Variants in SOX5 observed in about 807,000 individuals in gnomAD.
SOX5 encodes transcription factor SOX-5.
SOX5 carries 9 observed loss-of-function variants against 92.0 expected under a neutral mutation model. The observed-to-expected ratio is 0.10, with a 90% CI of 0.06 to 0.17. The LOEUF (loss-of-function observed/expected upper bound fraction) is 0.17, where lower values mean the gene tolerates loss of function less well. Among genes scored for constraint, SOX5 ranks in the 10% least tolerant of loss-of-function variants. The pLI is 1.00. For missense variants in SOX5, 642 were observed against 944.5 expected (o/e 0.68, Z 4.20); for synonymous variants, 344 against 336.3 (o/e 1.02, Z -0.25).
chr12:24,053,751 T>A (rs1957824858), intron 4 of SOX5, among the ~76,000 whole-genome samples: 1 of 152,234 alleles, frequency 6.6e-6, no homozygotes, highest in Non-Finnish European at 1.5e-5. Flanking sequence ...TGAGTTTCCT[T>A]AAAGAATTTC....
chr12:24,134,811 A>T (rs1367159918), intron 4 of SOX5, among the ~76,000 whole-genome samples: 117 of 152,234 alleles, frequency 7.7e-4, no homozygotes, highest in Non-Finnish European at 1.0e-4. Context: ...TCACTTTTAA[A>T]CACTGAACAT....
chr12:24,531,706 C>G (rs1394791750), intron 1 of SOX5, among the ~76,000 whole-genome samples: 2 of 152,188 alleles, frequency 1.3e-5, no homozygotes, highest in Non-Finnish European at 2.9e-5. Context: ...TTGAGCTCCA[C>G]AATTTGTGTT....
At position 23,551,174 on chromosome 12, in the gene SOX5, T is replaced by C. The variant is rs116227002; in HGVS notation, c.1489-4750A>G. Among the ~76,000 whole-genome samples, 393 of 152,112 alleles carry C rather than the reference T, an allele frequency of 2.6e-3. 2 individuals carry two copies. The highest frequency in any genetic ancestry group is 8.9e-3 in the African/African-American group (369 of 41,552). On this transcript the variant is annotated intron_variant, in intron 11 of 14. Coordinates refer to ENST00000451604, the MANE Select transcript of SOX5 (RefSeq NM_006940.6). ...CAGTAACAGTTAAACCTCTTCTGGC[T>C]GCACTTCTTTATGGTCTTCTACTAT...
chr12:24,072,109 T>G (rs1313206897), intron 4 of SOX5, among the ~76,000 whole-genome samples: 1 of 152,206 alleles, frequency 6.6e-6, no homozygotes, highest in African/African-American at 2.4e-5. Flanking sequence ...TCAAACATAC[T>G]GCATGGGTTC....
chr12:23,941,125 G>C (rs901726913), intron 1 of SOX5, among the ~76,000 whole-genome samples: 1 of 151,598 alleles, frequency 6.6e-6, no homozygotes, highest in Admixed American at 6.6e-5. Context: ...TCATTCAAGA[G>C]ATCAACTGCC....
chr12:24,284,253 C>G (rs1304399043), intron 2 of SOX5, among the ~76,000 whole-genome samples: 3 of 152,198 alleles, frequency 2.0e-5, no homozygotes, highest in Non-Finnish European at 4.4e-5. Context: ...GCCAGCCACT[C>G]TGCTTTAGAC....
intron 3 of SOX5, among the ~76,000 whole-genome samples, chr12:23,823,603 T>A (rs919940530): frequency 1.3e-5 from 2 of 152,214 alleles, no homozygotes; most frequent in Non-Finnish European, 2.9e-5. Flanking sequence ...TTGGGGTTGC[T>A]CTTCTAGAGC....
chr12:24,268,699 G>A (rs1364256576), intron 3 of SOX5, among the ~76,000 whole-genome samples: 1 of 152,136 alleles, frequency 6.6e-6, no homozygotes, highest in Non-Finnish European at 1.5e-5. Context: ...GTAGCATCAG[G>A]AGCCTTTATT....
chr12:24,389,335 T>C (rs942785062), intron 1 of SOX5, among the ~76,000 whole-genome samples: 9 of 152,204 alleles, frequency 5.9e-5, no homozygotes, highest in African/African-American at 2.2e-4. Flanking sequence ...ATGTGCCACA[T>C]TTTCTTAATC....
chr12:23,653,323 T>C (rs1260904997), intron 7 of SOX5, among the ~76,000 whole-genome samples: 1 of 151,936 alleles, frequency 6.6e-6, no homozygotes. Context: ...AGTCTGTCTG[T>C]ATCCCTTCAG....
At chr12:24,352,521 C>A (rs1219647104) in intron 2 of SOX5, among the ~76,000 whole-genome samples, 1 of 152,154 alleles carries the variant, frequency 6.6e-6, no homozygotes, top group Non-Finnish European at 1.5e-5. Flanking sequence ...AGGTGAGAGC[C>A]ATGCTGTAAA....
chr12:24,255,507 G>A (rs1040522986), intron 3 of SOX5, among the ~76,000 whole-genome samples: 1 of 152,166 alleles, frequency 6.6e-6, no homozygotes, highest in African/African-American at 2.4e-5. Flanking sequence ...TAAGAGATAT[G>A]ACAGTTTGTG....
At chr12:24,339,331 T>C (rs1427368407) in intron 2 of SOX5, among the ~76,000 whole-genome samples, 1 of 152,012 alleles carries the variant, frequency 6.6e-6, no homozygotes, top group Non-Finnish European at 1.5e-5. Flanking sequence ...CTGATGGGCA[T>C]GAGTATGATG....
At chr12:23,870,124 G>C (rs565353041) in intron 2 of SOX5, among the ~76,000 whole-genome samples, 16 of 152,086 alleles carry the variant, frequency 1.1e-4, no homozygotes, top group African/African-American at 3.9e-4. Context: ...TACTCAGAAT[G>C]CCCCTAGGGT....
At chr12:24,510,274 A>G (rs1040273561) in intron 1 of SOX5, among the ~76,000 whole-genome samples, 2 of 146,322 alleles carry the variant, frequency 1.4e-5, no homozygotes, top group East Asian at 3.8e-4. Context: ...CTGTAGATAC[A>G]AAAAAAATGA....
At chr12:24,195,230 CTATTT>C (rs1223368144) in intron 4 of SOX5, among the ~76,000 whole-genome samples, 3 of 151,674 alleles carry the variant, frequency 2.0e-5, no homozygotes, top group Non-Finnish European at 2.9e-5. Context: ...ACTGAGTCAT[CTATTT>C]TAAACGAGTA....
chr12:24,416,463 G>A (rs1472251151), intron 1 of SOX5, among the ~76,000 whole-genome samples: 1 of 152,204 alleles, frequency 6.6e-6, no homozygotes, highest in African/African-American at 2.4e-5. Flanking sequence ...CATTGTTGAA[G>A]CCACAGGAGC....
In SOX5 at chr12:23,846,315, TA is replaced by T. The variant is rs1249781134; in HGVS notation, c.271-123del. ...ATAATTGTTTAAAATTCAGTAACTT[TA>T]AAAAATTGGTTATATGGCTTATTCA... On this transcript the variant is annotated intron_variant, in intron 2 of 14. Coordinates refer to ENST00000451604, the MANE Select transcript of SOX5 (RefSeq NM_006940.6). The T allele has an allele frequency of 2.1e-4, 166 of 798,334 alleles. 4 individuals carry two copies. In the South Asian group the frequency reaches 2.2e-3, roughly 11 times the overall value. The allele number at this position is 798,334 out of a possible 1,614,324, so 49.5% of individuals were successfully genotyped here.
chr12:23,813,929 T>C (rs917144925), intron 3 of SOX5, among the ~76,000 whole-genome samples: 2 of 152,150 alleles, frequency 1.3e-5, no homozygotes, highest in East Asian at 1.9e-4. Flanking sequence ...TGCGGCAAAA[T>C]AAGGGCGATA....
Sources: allele counts gnomAD v4.1 joint callset (sites outside exome capture counted in the v4.1 genomes callset), GRCh38; gene constraint gnomAD v4.1.1; transcripts MANE v1.5; gene names NCBI Gene and HGNC (gene_info 2026-07-23, HGNC 2026-07-21).